Variants in VPS13B observed in about 807,000 individuals in gnomAD.
The protein encoded by VPS13B is intermembrane lipid transfer protein VPS13B.
A neutral mutation model predicts 426.4 loss-of-function variants in VPS13B; 285 were observed. The ratio of observed to expected loss-of-function variants is 0.67; its 90% CI spans 0.61 to 0.74. VPS13B has a LOEUF of 0.74. Among genes scored for constraint, VPS13B ranks in the 30% least tolerant of loss-of-function variants. The pLI, the probability that VPS13B is intolerant of heterozygous loss-of-function variation, is 0.00. For synonymous variants in VPS13B, 1,676 were observed against 1,676.4 expected (o/e 1.00, Z 0.01); for missense variants, 4,537 against 4,782.6 (o/e 0.95, Z 1.51).
intron 43 of VPS13B, among the ~76,000 whole-genome samples, chr8:99,788,612 A>G (rs1812390747): frequency 6.6e-6 from 1 of 152,176 alleles, no homozygotes; most frequent in Non-Finnish European, 1.5e-5. Flanking sequence ...TCTGTGTAAA[A>G]TCAGCCATAG....
chr8:99,439,057 A>G (rs1196865213), intron 22 of VPS13B, among the ~76,000 whole-genome samples: 1 of 152,150 alleles, frequency 6.6e-6, no homozygotes, highest in Admixed American at 6.6e-5. Flanking sequence ...TCATGGAGAG[A>G]TGAAATAGCT....
intron 43 of VPS13B, among the ~76,000 whole-genome samples, chr8:99,800,727 C>T (rs1035797470): frequency 6.6e-6 from 1 of 151,788 alleles, no homozygotes; most frequent in Non-Finnish European, 1.5e-5. Flanking sequence ...GGTTATTTTA[C>T]ATATGTAAAC....
At chr8:99,104,537 T>A (rs1346761917) in intron 5 of VPS13B, among the ~76,000 whole-genome samples, 1 of 152,038 alleles carries the variant, frequency 6.6e-6, no homozygotes, top group East Asian at 1.9e-4. Context: ...TTCTTCCTTC[T>A]TTTCCTCCCC....
At chr8:99,597,109 C>G (rs1314186455) in intron 33 of VPS13B, among the ~76,000 whole-genome samples, 1 of 152,080 alleles carries the variant, frequency 6.6e-6, no homozygotes, top group African/African-American at 2.4e-5. Flanking sequence ...TTCTACCCCT[C>G]TTCATCTGAC....
intron 55 of VPS13B, among the ~76,000 whole-genome samples, chr8:99,851,341 A>G (rs1444613236): frequency 6.6e-6 from 1 of 152,192 alleles, no homozygotes; most frequent in African/African-American, 2.4e-5. Flanking sequence ...CCTAGAGAAG[A>G]TGACTTTCTC....
intron 3 of VPS13B, among the ~76,000 whole-genome samples, chr8:99,045,795 G>A (rs1308797639): frequency 6.6e-6 from 1 of 152,032 alleles, no homozygotes; most frequent in African/African-American, 2.4e-5. Flanking sequence ...CCATTTGTTG[G>A]ATAGGGTGTC....
chr8:99,593,439 G>A (rs965652667), intron 33 of VPS13B, among the ~76,000 whole-genome samples: 1 of 152,016 alleles, frequency 6.6e-6, no homozygotes, highest in African/African-American at 2.4e-5. Flanking sequence ...GGAGAAAAAC[G>A]GAATGCTTTT....
intron 3 of VPS13B, among the ~76,000 whole-genome samples, chr8:99,076,834 A>G (rs1308378716): frequency 6.6e-6 from 1 of 152,032 alleles, no homozygotes; most frequent in African/African-American, 2.4e-5. Context: ...ATCTTTTATC[A>G]GGGGAATTTA....
intron 33 of VPS13B, among the ~76,000 whole-genome samples, chr8:99,640,049 GAGAAAAGAAAAGAA>G (rs1250916303): frequency 0.016 from 1,544 of 99,508 alleles, 26 homozygotes; most frequent in South Asian, 0.028. Context: ...AGAAGAAGAA[GAGAAAAGAAAAGAA>G]AAGAAAAGAA....
At chr8:99,042,437 T>C (rs1161451909) in intron 3 of VPS13B, among the ~76,000 whole-genome samples, 1 of 152,236 alleles carries the variant, frequency 6.6e-6, no homozygotes, top group African/African-American at 2.4e-5. Flanking sequence ...ATTGTTGATA[T>C]GGCTCTTTAA....
chr8:99,195,319 G>A (rs532610877), intron 17 of VPS13B, among the ~76,000 whole-genome samples: 1 of 152,102 alleles, frequency 6.6e-6, no homozygotes, highest in South Asian at 2.1e-4. Context: ...TTGGCCATTT[G>A]TATGAACCAT....
intron 33 of VPS13B, among the ~76,000 whole-genome samples, chr8:99,639,254 T>G (rs1013069802): frequency 1.4e-4 from 21 of 152,118 alleles, no homozygotes; most frequent in Non-Finnish European, 2.4e-4. Context: ...CACAAAACAT[T>G]TTAGTAAAAT....
Position 99,331,919 on chromosome 8 carries a change from T to C in VPS13B, c.2825-52289T>C, listed in dbSNP as rs555503737. On this transcript the variant is annotated intron_variant, in intron 19 of 61. Coordinates refer to ENST00000357162, the MANE Select transcript of VPS13B (RefSeq NM_152564.5). Reference sequence around the variant, plus strand: ...CTGCATAGGGATAACTTTAGTAATTTAAGATAAAGGAATACTTAACACAGT... The same window carrying C: ...CTGCATAGGGATAACTTTAGTAATTCAAGATAAAGGAATACTTAACACAGT... Among the ~76,000 whole-genome samples the C allele has an allele frequency of 7.9e-5, 12 of 151,886 alleles. No individual in the cohort carries two copies. In the South Asian group the frequency reaches 2.5e-3, roughly 31 times the overall value.
At chr8:99,563,165 A>G (rs1010627363) in intron 31 of VPS13B, among the ~76,000 whole-genome samples, 6 of 152,222 alleles carry the variant, frequency 3.9e-5, no homozygotes, top group Admixed American at 3.9e-4. Flanking sequence ...CCCTGTCTCA[A>G]ATAAATAAAT....
rs1563908020 is a variant in VPS13B, at chr8:99,766,972, T to C, written c.7247+2T>C. The C allele has an allele frequency of 6.2e-7, 1 of 1,613,344 alleles. No homozygotes were observed. The highest frequency in any genetic ancestry group is 8.5e-7 in the Non-Finnish European group (1 of 1,179,558). ...TCAAAATGGAGCTGATGACCAAAGG[T>C]AATTCATTGAAAGATGATATGGTAG... On this transcript the variant is annotated splice_donor_variant, in intron 40 of 61. Transcript: ENST00000357162. LOFTEE classifies it high-confidence loss of function.
chr8:99,664,312 TA>T (rs1830368143), intron 35 of VPS13B, among the ~76,000 whole-genome samples: 1 of 145,616 alleles, frequency 6.9e-6, no homozygotes, highest in Non-Finnish European at 1.5e-5. Context: ...GCCAGAAATG[TA>T]CTTTTTTTTT....
rs372332435 is a variant in VPS13B, at chr8:99,649,345, C to T, written c.5908+6847C>T. Reference sequence around the variant, plus strand: ...TCTGCACCAATCTCTTTCTCTTCTCCTTTTGGAATTCAAGTGTTAAGCTTT... The same window carrying T: ...TCTGCACCAATCTCTTTCTCTTCTCTTTTTGGAATTCAAGTGTTAAGCTTT... On this transcript the variant is annotated intron_variant, in intron 34 of 61. Coordinates refer to ENST00000357162, the MANE Select transcript of VPS13B (RefSeq NM_152564.5). 9.9e-5 allele frequency among the ~76,000 whole-genome samples: 15 copies of T among 152,104 alleles called. No individual in the cohort carries two copies. The East Asian group carries it at 2.5e-3, about 25-fold the overall frequency.
chr8:99,837,865 G>T (rs184416448), intron 54 of VPS13B, among the ~76,000 whole-genome samples: 283 of 152,302 alleles, frequency 1.9e-3, no homozygotes, highest in Middle Eastern at 3.4e-3. Flanking sequence ...TCAGCCATTG[G>T]TCTGTGAATT....
At chr8:99,834,212 T>C (rs890053504) in intron 52 of VPS13B, among the ~76,000 whole-genome samples, 4 of 152,250 alleles carry the variant, frequency 2.6e-5, no homozygotes, top group Admixed American at 2.6e-4. Flanking sequence ...TTTCTTTGAT[T>C]AATTTTGGCA....
Sources: allele counts gnomAD v4.1 joint callset (sites outside exome capture counted in the v4.1 genomes callset), GRCh38; gene constraint gnomAD v4.1.1; transcripts MANE v1.5; gene names NCBI Gene and HGNC (gene_info 2026-07-23, HGNC 2026-07-21).